TMEM132D: variants seen among roughly 807,000 people sequenced by gnomAD.
TMEM132D encodes mature OL transmembrane protein.
In TMEM132D, 21 loss-of-function variants were observed where a neutral mutation model predicts 62.3. That is an observed-to-expected ratio of 0.34 (90% CI 0.24 to 0.49). TMEM132D has a LOEUF of 0.49. TMEM132D is among the 20% of genes least tolerant of loss of function. The probability of loss-of-function intolerance (pLI) is 0.99; values close to 1 mark genes in which losing one functional copy is unlikely to be tolerated. For synonymous variants in TMEM132D, 621 were observed against 575.6 expected (o/e 1.08, Z -1.13); for missense variants, 1,346 against 1,402.8 (o/e 0.96, Z 0.65).
At chr12:129,365,724 C>A (rs1484914044) in intron 3 of TMEM132D, among the ~76,000 whole-genome samples, 1 of 152,080 alleles carries the variant, frequency 6.6e-6, no homozygotes, top group East Asian at 1.9e-4. Context: ...TTCTACCTTA[C>A]CTCAATGTGT....
chr12:129,144,055 T>C (rs1274109503), intron 5 of TMEM132D, among the ~76,000 whole-genome samples: 1 of 152,128 alleles, frequency 6.6e-6, no homozygotes, highest in Non-Finnish European at 1.5e-5. Flanking sequence ...TCAAATAGCG[T>C]ATCAGTGACC....
intron 1 of TMEM132D, among the ~76,000 whole-genome samples, chr12:129,740,531 G>A (rs923566343): frequency 7.2e-5 from 11 of 152,164 alleles, no homozygotes; most frequent in Non-Finnish European, 1.6e-4. Context: ...GACTAGCTGT[G>A]GAAATTTTAA....
Position 129,884,428 on chromosome 12 carries a change from T to C in TMEM132D, c.79+18833A>G, listed in dbSNP as rs534278064. Among the ~76,000 whole-genome samples the C allele has an allele frequency of 4.7e-4, 72 of 152,364 alleles. No homozygotes were observed. The South Asian group carries it at 0.015, about 32-fold the overall frequency. On this transcript the variant is annotated intron_variant, in intron 1 of 8. Transcript: ENST00000422113. ...CTGAATAGTAAAGCCACCCAAATTA[T>C]TTGGCCATTTTAAAATATCAAAAGG...
At chr12:129,469,358 GC>G (rs1056425666) in intron 3 of TMEM132D, among the ~76,000 whole-genome samples, 83 of 152,190 alleles carry the variant, frequency 5.5e-4, no homozygotes, top group African/African-American at 1.8e-3. Flanking sequence ...CTCAAGATGT[GC>G]CCCCCGTGTC....
intron 2 of TMEM132D, among the ~76,000 whole-genome samples, chr12:129,667,119 C>T (rs1354397349): frequency 6.6e-6 from 1 of 152,112 alleles, no homozygotes; most frequent in Non-Finnish European, 1.5e-5. Context: ...AATCTGGGCC[C>T]ATGTCCGAAT....
At chr12:129,149,438 T>C (rs562749319) in intron 5 of TMEM132D, among the ~76,000 whole-genome samples, 266 of 152,252 alleles carry the variant, frequency 1.7e-3, no homozygotes, top group Non-Finnish European at 2.8e-3. Context: ...TTTCTGTCCC[T>C]GAAACAAAAG....
chr12:129,080,833 C>G (rs889792193), intron 7 of TMEM132D, among the ~76,000 whole-genome samples: 3 of 152,172 alleles, frequency 2.0e-5, no homozygotes, highest in African/African-American at 2.4e-5. Flanking sequence ...AATGACCAAA[C>G]CCTTACAAGC....
chr12:129,850,130 G>A (rs755497980), intron 1 of TMEM132D, among the ~76,000 whole-genome samples: 1 of 152,174 alleles, frequency 6.6e-6, no homozygotes, highest in Admixed American at 6.5e-5. Context: ...CTGAGGAAGC[G>A]AAAGGCCCAA....
At chr12:129,655,092 C>T (rs901261481) in intron 2 of TMEM132D, among the ~76,000 whole-genome samples, 5 of 151,888 alleles carry the variant, frequency 3.3e-5, no homozygotes, top group South Asian at 2.1e-4. Flanking sequence ...GGACTACAGG[C>T]GCCTGCCACC....
chr12:129,323,825 A>T (rs1383389412), intron 4 of TMEM132D, among the ~76,000 whole-genome samples: 1 of 152,136 alleles, frequency 6.6e-6, no homozygotes, highest in Non-Finnish European at 1.5e-5. Flanking sequence ...GTGTTTCATT[A>T]ATGAGGAATA....
intron 8 of TMEM132D, among the ~76,000 whole-genome samples, chr12:129,076,035 GA>G (rs541087183): frequency 3.6e-3 from 542 of 152,066 alleles, no homozygotes; most frequent in Non-Finnish European, 6.4e-3. Flanking sequence ...ATTGAAATGA[GA>G]CAGCTGCTGC....
intron 1 of TMEM132D, among the ~76,000 whole-genome samples, chr12:129,741,986 TAAC>T (rs763864968): frequency 2.6e-5 from 4 of 152,298 alleles, no homozygotes; most frequent in Non-Finnish European, 4.4e-5. Context: ...ATTCCCAAAC[TAAC>T]AACATCTACA....
At chr12:129,685,688 GACC>G (rs1880893662) in intron 2 of TMEM132D, among the ~76,000 whole-genome samples, 1 of 152,136 alleles carries the variant, frequency 6.6e-6, no homozygotes, top group African/African-American at 2.4e-5. Context: ...CCTAGAAGAA[GACC>G]ACCAACAGCT....
intron 4 of TMEM132D, among the ~76,000 whole-genome samples, chr12:129,294,779 C>T (rs1389237639): frequency 1.3e-5 from 2 of 152,182 alleles, no homozygotes; most frequent in African/African-American, 4.8e-5. Flanking sequence ...CAGTTAGCTA[C>T]CTCTGCTCTG....
At chr12:129,254,193 C>A (rs1880342928) in intron 4 of TMEM132D, among the ~76,000 whole-genome samples, 1 of 152,060 alleles carries the variant, frequency 6.6e-6, no homozygotes, top group African/African-American at 2.4e-5. Context: ...ACATCGGAAT[C>A]AAAATAGGAG....
chr12:129,605,660 C>CATATAT (rs34667480), intron 2 of TMEM132D, among the ~76,000 whole-genome samples: 2 of 140,900 alleles, frequency 1.4e-5, no homozygotes, highest in African/African-American at 5.4e-5. Context: ...TATACATATA[C>CATATAT]ATATATATAT....
At chr12:129,611,180 A>G (rs1370698747) in intron 2 of TMEM132D, among the ~76,000 whole-genome samples, 1 of 152,134 alleles carries the variant, frequency 6.6e-6, no homozygotes, top group African/African-American at 2.4e-5. Flanking sequence ...AGCTCTCTCC[A>G]CATAGTTTAA....
intron 5 of TMEM132D, among the ~76,000 whole-genome samples, chr12:129,086,560 T>G (rs1874628022): frequency 6.6e-6 from 1 of 151,808 alleles, no homozygotes; most frequent in Admixed American, 6.6e-5. Flanking sequence ...CTACTCATGT[T>G]GCTACAAAAG....
rs556660585 is a variant in TMEM132D at position 129,236,238 on chromosome 12, C to T, written c.1300-26575G>A. On this transcript the variant is annotated intron_variant, in intron 4 of 8. Coordinates refer to ENST00000422113, the MANE Select transcript of TMEM132D (RefSeq NM_133448.3). ...GATAGTTCAGTATTGGTGTATGGGC[C>T]GGGTGCAGTGGCTCACGCTTGTTAT... Among the ~76,000 whole-genome samples, 8 of 151,188 alleles carry T rather than the reference C, an allele frequency of 5.3e-5. No homozygotes were observed. The East Asian group carries it at 1.4e-3, about 26-fold the overall frequency.
Sources: allele counts gnomAD v4.1 joint callset (sites outside exome capture counted in the v4.1 genomes callset), GRCh38; gene constraint gnomAD v4.1.1; transcripts MANE v1.5; gene names NCBI Gene and HGNC (gene_info 2026-07-23, HGNC 2026-07-21).